Variants in EIF2B3 observed in about 807,000 individuals in gnomAD.
EIF2B3 encodes the protein translation initiation factor eIF2B subunit gamma.
Under a neutral mutation model 54.1 loss-of-function variants are expected in EIF2B3, and 20 were observed. That is an observed-to-expected ratio of 0.37 (90% CI 0.26 to 0.54). The LOEUF (loss-of-function observed/expected upper bound fraction) is 0.54, where lower values mean the gene tolerates loss of function less well. EIF2B3 is among the 20% of genes least tolerant of loss of function. The pLI is 0.86. For missense variants in EIF2B3, 448 were observed against 547.8 expected, an observed-to-expected ratio of 0.82 and a Z score of 1.82; for synonymous variants, 153 against 188.1, an observed-to-expected ratio of 0.81 and a Z score of 1.52.
At chr1:44,944,313 T>A (rs970890116) in intron 3 of EIF2B3, among the ~76,000 whole-genome samples, 1 of 152,044 alleles carries the variant, frequency 6.6e-6, no homozygotes, top group African/African-American at 2.4e-5. Context: ...AAGCTTTGTC[T>A]TGGAAAACCA....
intron 4 of EIF2B3, among the ~76,000 whole-genome samples, chr1:44,938,812 A>C (rs1284460348): frequency 2.6e-5 from 4 of 151,996 alleles, no homozygotes; most frequent in African/African-American, 9.7e-5. Context: ...GAAAGAAAGA[A>C]AGAGGCCAAG....
intron 9 of EIF2B3, 102 bp from the exon 10 acceptor site, chr1:44,874,928 G>A: frequency 7.0e-7 from 1 of 1,422,982 alleles, no homozygotes; most frequent in South Asian, 1.2e-5. Context: ...TTTCCATAGA[G>A]ACACTTCAGC....
In EIF2B3 at chr1:44,981,052, T is replaced by C; in HGVS notation, c.117A>G (p.Pro39=). Residue 39 remains proline, a synonymous_variant, in exon 2 of 12, where the codon CCA becomes CCG. Transcript: ENST00000360403. The part of the protein sequence containing the change: ...PVGNKPLIWY[P]LNLLERVGFE... ...ATCCAACACGCTCAAGCAGGTTCAA[T>C]GGGTACCAAATTAAAGGTTTGTTCC... 2 of 1,613,732 alleles carry C rather than the reference T, an allele frequency of 1.2e-6. No individual in the cohort carries two copies. The highest frequency in any genetic ancestry group is 1.7e-6 in the Non-Finnish European group (2 of 1,180,018).
At chr1:44,948,046 A>G (rs991912601) in intron 3 of EIF2B3, among the ~76,000 whole-genome samples, 1 of 152,176 alleles carries the variant, frequency 6.6e-6, no homozygotes, top group African/African-American at 2.4e-5. Context: ...GCTAACTGCA[A>G]TGGAGACCTC....
At chr1:44,855,362 A>G (rs1286051063) in intron 11 of EIF2B3, among the ~76,000 whole-genome samples, 1 of 152,168 alleles carries the variant, frequency 6.6e-6, no homozygotes, top group Non-Finnish European at 1.5e-5. Flanking sequence ...TATGAAGCCC[A>G]TCTCATGATG....
At chr1:44,947,228 C>T (rs1448084094) in intron 3 of EIF2B3, among the ~76,000 whole-genome samples, 1 of 152,206 alleles carries the variant, frequency 6.6e-6, no homozygotes, top group South Asian at 2.1e-4. Flanking sequence ...CAGATGTGTG[C>T]ACTCTTGACA....
At chr1:44,968,403 G>A (rs1644367510) in intron 3 of EIF2B3, among the ~76,000 whole-genome samples, 2 of 147,940 alleles carry the variant, frequency 1.4e-5, no homozygotes, top group African/African-American at 4.9e-5. Flanking sequence ...AACTTCACAT[G>A]AAAAGAACTT....
intron 3 of EIF2B3, among the ~76,000 whole-genome samples, chr1:44,942,306 A>G (rs1381110500): frequency 1.4e-5 from 2 of 141,336 alleles, no homozygotes; most frequent in Non-Finnish European, 3.0e-5. Context: ...TTGGTATTTA[A>G]TAATTGTTTA....
chr1:44,859,737 CTAAA>C (rs1654549195), intron 10 of EIF2B3, among the ~76,000 whole-genome samples: 1 of 152,138 alleles, frequency 6.6e-6, no homozygotes, highest in Non-Finnish European at 1.5e-5. Flanking sequence ...AGGTATTGTG[CTAAA>C]TAAATACTCT....
intron 5 of EIF2B3, among the ~76,000 whole-genome samples, chr1:44,909,623 G>A (rs889571216): frequency 3.9e-5 from 6 of 152,066 alleles, no homozygotes; most frequent in African/African-American, 1.4e-4. Flanking sequence ...TATTGACATG[G>A]GTTATCTTAC....
chr1:44,963,785 C>A (rs17390859), intron 3 of EIF2B3, among the ~76,000 whole-genome samples: 21,624 of 152,176 alleles, frequency 0.14, 1,691 homozygotes, highest in Non-Finnish European at 0.17. Flanking sequence ...CAAAGTCATG[C>A]AGGCTGCTTA....
In EIF2B3 at chr1:44,917,451, C is replaced by T. The variant is rs148881318; in HGVS notation, c.566+9177G>A. On this transcript the variant is annotated intron_variant, in intron 5 of 11. Coordinates refer to ENST00000360403, the MANE Select transcript of EIF2B3 (RefSeq NM_020365.5). ...GAGGTTGCGGTGAGCCGAGATCACG[C>T]CATTATACTCAAGCCTAGGCAACAA... 5.0e-3 allele frequency among the ~76,000 whole-genome samples: 754 copies of T among 150,562 alleles called. 10 individuals carry two copies. Among genetic ancestry groups the T allele is most frequent in the African/African-American group, 0.018 (725 of 40,820 alleles).
At chr1:44,948,483 G>A (rs982720850) in intron 3 of EIF2B3, among the ~76,000 whole-genome samples, 2 of 151,870 alleles carry the variant, frequency 1.3e-5, no homozygotes, top group African/African-American at 4.8e-5. Context: ...CCTGCTCAAA[G>A]ACACCCTAAA....
intron 1 of EIF2B3, among the ~76,000 whole-genome samples, chr1:44,985,538 G>A (rs1271259639): frequency 6.6e-6 from 1 of 152,172 alleles, no homozygotes; most frequent in African/African-American, 2.4e-5. Flanking sequence ...CCAGTCAGAT[G>A]CCAGAAATCA....
chr1:44,932,402 A>T (rs982172810), intron 4 of EIF2B3: 1 of 152,170 alleles, frequency 6.6e-6, no homozygotes, highest in African/African-American at 2.4e-5. Flanking sequence ...CTTGCATGGA[A>T]GTCTGCTTAG....
At chr1:44,919,640 C>T (rs1643695885) in intron 5 of EIF2B3, among the ~76,000 whole-genome samples, 1 of 151,382 alleles carries the variant, frequency 6.6e-6, no homozygotes, top group South Asian at 2.1e-4. Flanking sequence ...GCCATTTATA[C>T]TGGGTGTACA....
At chr1:44,979,263 C>A (rs1007987644) in intron 2 of EIF2B3, among the ~76,000 whole-genome samples, 46 of 148,214 alleles carry the variant, frequency 3.1e-4, no homozygotes, top group Non-Finnish European at 5.1e-4. Flanking sequence ...AACAAACAAA[C>A]AAAAAAAAAC....
At chr1:44,926,464 G>A (rs939447852) in intron 5 of EIF2B3, among the ~76,000 whole-genome samples, 164 bp downstream of exon 5, 2 of 152,158 alleles carry the variant, frequency 1.3e-5, no homozygotes, top group Non-Finnish European at 2.9e-5. Flanking sequence ...GGCTTATGCA[G>A]TGAAGAAAAG....
intron 3 of EIF2B3, among the ~76,000 whole-genome samples, chr1:44,944,994 T>C (rs1644081119): frequency 6.6e-6 from 1 of 152,116 alleles, no homozygotes; most frequent in African/African-American, 2.4e-5. Flanking sequence ...TTTCAACTCA[T>C]AGTCTACCAA....
Sources: gnomAD v4.1 joint callset for allele counts (sites outside exome capture counted in the v4.1 genomes callset) on GRCh38, gnomAD v4.1.1 for gene constraint, MANE v1.5 for transcripts, NCBI Gene and HGNC (gene_info 2026-07-23, HGNC 2026-07-21) for gene names.